Variants in EXOC4 observed in about 807,000 individuals in gnomAD.
The protein encoded by EXOC4 is exocyst complex component 4.
Under a neutral mutation model 107.2 loss-of-function variants are expected in EXOC4, and 71 were observed. The ratio of observed to expected loss-of-function variants is 0.66; its 90% CI spans 0.55 to 0.81. The LOEUF is 0.81. EXOC4 is among the 30% of genes least tolerant of loss of function. The probability of loss-of-function intolerance (pLI) is 0.00; values close to 1 mark genes in which losing one functional copy is unlikely to be tolerated. For missense variants in EXOC4, 1,108 were observed against 1,189.6 expected, an observed-to-expected ratio of 0.93 and a Z score of 1.01; for synonymous variants, 456 against 441.2, an observed-to-expected ratio of 1.03 and a Z score of -0.42.
intron 14 of EXOC4, among the ~76,000 whole-genome samples, chr7:133,991,232 A>G (rs1455614623): frequency 1.3e-5 from 2 of 151,446 alleles, no homozygotes; most frequent in Non-Finnish European, 2.9e-5. Flanking sequence ...AGAAATGTCT[A>G]TTCAGGTCTT....
At chr7:133,548,644 T>C (rs1466949262) in intron 9 of EXOC4, among the ~76,000 whole-genome samples, 1 of 152,240 alleles carries the variant, frequency 6.6e-6, no homozygotes, top group Non-Finnish European at 1.5e-5. Flanking sequence ...GCTTCTTTCC[T>C]TAAACCTAAT....
chr7:133,444,521 G>A (rs1027090184), intron 7 of EXOC4, among the ~76,000 whole-genome samples: 3 of 152,084 alleles, frequency 2.0e-5, no homozygotes, highest in South Asian at 2.1e-4. Context: ...ATGTGGAGAC[G>A]GTAAACTACA....
chr7:133,489,186 A>G (rs1584955032), intron 9 of EXOC4, among the ~76,000 whole-genome samples: 2 of 152,176 alleles, frequency 1.3e-5, no homozygotes, highest in South Asian at 4.1e-4. Context: ...TCTGGAGAGG[A>G]TGGAGGAGGG....
At chr7:134,087,352 A>G in the EXOC4 span, among the ~76,000 whole-genome samples, 1 of 152,334 alleles carries the variant, frequency 6.6e-6, no homozygotes. Context: ...TCAGTCAGAA[A>G]GCATTGGTAC....
At chr7:133,798,414 ATTTTCTTGGC>A (rs1796859586) in intron 10 of EXOC4, among the ~76,000 whole-genome samples, 1 of 151,814 alleles carries the variant, frequency 6.6e-6, no homozygotes, top group African/African-American at 2.4e-5. Flanking sequence ...TTTATCAGTA[ATTTTCTTGGC>A]ATATTTACAA....
intron 7 of EXOC4, among the ~76,000 whole-genome samples, chr7:133,420,002 G>T (rs1797566737): frequency 6.7e-6 from 1 of 148,586 alleles, no homozygotes; most frequent in South Asian, 2.2e-4. Context: ...TAAGTTTTAG[G>T]GTACATGTGC....
chr7:133,452,653 C>T (rs991354011), intron 7 of EXOC4, among the ~76,000 whole-genome samples: 2 of 151,118 alleles, frequency 1.3e-5, no homozygotes, highest in African/African-American at 4.9e-5. Context: ...TTATTTTTAA[C>T]TAAGTTGTTT....
intron 7 of EXOC4, among the ~76,000 whole-genome samples, chr7:133,444,686 GAGA>G (rs1192025119): frequency 3.9e-5 from 6 of 152,306 alleles, no homozygotes; most frequent in East Asian, 3.9e-4. Flanking sequence ...CCTGAGTGAG[GAGA>G]AGAAGAGTGC....
chr7:133,308,456 A>G (rs1424564325), intron 4 of EXOC4, among the ~76,000 whole-genome samples: 2 of 152,200 alleles, frequency 1.3e-5, no homozygotes, highest in African/African-American at 4.8e-5. Context: ...ATGGTCACCT[A>G]CAAGCGAAGG....
the EXOC4 span, among the ~76,000 whole-genome samples, chr7:134,084,113 G>C: frequency 6.6e-6 from 1 of 152,202 alleles, no homozygotes; most frequent in Non-Finnish European, 1.5e-5. Flanking sequence ...GCCGTTTGCT[G>C]TGAAAGAGAT....
intron 14 of EXOC4, among the ~76,000 whole-genome samples, chr7:133,996,824 G>T (rs1376784188): frequency 6.6e-6 from 1 of 152,158 alleles, no homozygotes; most frequent in Non-Finnish European, 1.5e-5. Flanking sequence ...GGTAAATTTT[G>T]AGAATTATAA....
intron 9 of EXOC4, among the ~76,000 whole-genome samples, chr7:133,588,611 G>T (rs1439521299): frequency 6.6e-6 from 1 of 152,100 alleles, no homozygotes; most frequent in Non-Finnish European, 1.5e-5. Flanking sequence ...TTAAATATAT[G>T]GCCGGGTGTG....
intron 6 of EXOC4, among the ~76,000 whole-genome samples, chr7:133,358,271 A>T (rs892620127): frequency 6.6e-6 from 1 of 152,234 alleles, no homozygotes; most frequent in African/African-American, 2.4e-5. Context: ...GTTTTGGAGA[A>T]CAGACCTGAC....
At chr7:133,307,544 A>G (rs1337923455) in intron 4 of EXOC4, among the ~76,000 whole-genome samples, 2 of 152,240 alleles carry the variant, frequency 1.3e-5, no homozygotes, top group East Asian at 3.8e-4. Flanking sequence ...TTTTAAAAAA[A>G]TTTCTGTAAA....
chr7:133,852,970 T>C (rs1332983129), intron 11 of EXOC4, among the ~76,000 whole-genome samples: 1 of 152,180 alleles, frequency 6.6e-6, no homozygotes, highest in African/African-American at 2.4e-5. Context: ...TGCTGTCAAG[T>C]ATTCCTTGAA....
intron 10 of EXOC4, among the ~76,000 whole-genome samples, chr7:133,700,377 A>G (rs905517885): frequency 6.6e-6 from 1 of 152,172 alleles, no homozygotes; most frequent in Non-Finnish European, 1.5e-5. Context: ...TGTTGATTCA[A>G]GTTCTTTATA....
At chr7:133,525,531 G>C (rs1047595881) in intron 9 of EXOC4, among the ~76,000 whole-genome samples, 1 of 152,118 alleles carries the variant, frequency 6.6e-6, no homozygotes, top group African/African-American at 2.4e-5. Context: ...TTCTGAAATA[G>C]AGTTTTTAAT....
At chr7:134,039,270 G>C (rs1795460683) in intron 17 of EXOC4, among the ~76,000 whole-genome samples, 1 of 152,102 alleles carries the variant, frequency 6.6e-6, no homozygotes, top group Non-Finnish European at 1.5e-5. Flanking sequence ...GCATGATAAA[G>C]CTTCAGGGAG....
chr7:133,779,960 C>T lies in EXOC4; in HGVS notation c.1515-37365C>T, dbSNP rs117247852. On this transcript the variant is annotated intron_variant, in intron 10 of 17. Transcript: ENST00000253861. ...TCTTTAAGAGCTGTAACACTCACCA[C>T]GAAGGTTGGCAGCTCCATTCTTTAA... Among the ~76,000 whole-genome samples the T allele has an allele frequency of 1.8e-3, 269 of 152,242 alleles. 6 individuals carry two copies. The East Asian group carries it at 0.045, about 25-fold the overall frequency.
Sources: gnomAD v4.1 joint callset for allele counts (sites outside exome capture counted in the v4.1 genomes callset) on GRCh38, gnomAD v4.1.1 for gene constraint, MANE v1.5 for transcripts, NCBI Gene and HGNC (gene_info 2026-07-23, HGNC 2026-07-21) for gene names.